Variants in MVB12B observed in about 807,000 individuals in gnomAD.
MVB12B encodes the protein multivesicular body subunit 12B.
In MVB12B, 16 loss-of-function variants were observed where a neutral mutation model predicts 41.6. The ratio of observed to expected loss-of-function variants is 0.38; its 90% CI spans 0.26 to 0.58. MVB12B has a LOEUF of 0.58. Ranked by LOEUF, MVB12B falls within the 20% of genes least tolerant of loss-of-function variation. The probability of loss-of-function intolerance (pLI) is 0.62; values close to 1 mark genes in which losing one functional copy is unlikely to be tolerated. For synonymous variants in MVB12B, 133 were observed against 139.7 expected, an observed-to-expected ratio of 0.95 and a Z score of 0.34; for missense variants, 274 against 380.2, an observed-to-expected ratio of 0.72 and a Z score of 2.32.
chr9:126,424,150 G>A (rs1009157141), intron 7 of MVB12B, among the ~76,000 whole-genome samples: 1 of 152,116 alleles, frequency 6.6e-6, no homozygotes, highest in African/African-American at 2.4e-5. Flanking sequence ...AGATAAGTAG[G>A]TTTCAAAACA....
chr9:126,390,273 T>C (rs1830909542), intron 4 of MVB12B, among the ~76,000 whole-genome samples: 1 of 152,226 alleles, frequency 6.6e-6, no homozygotes, highest in Non-Finnish European at 1.5e-5. Flanking sequence ...GGATCATATG[T>C]GTTGGCACAG....
At chr9:126,400,661 T>C (rs6478736) in intron 6 of MVB12B, among the ~76,000 whole-genome samples, 144,609 of 152,274 alleles carry the variant, frequency 0.95, 68,694 homozygotes, top group East Asian at 1. Context: ...CCTCAAGCCG[T>C]CGTCGATGCT....
At position 126,473,627 on chromosome 9, in the gene MVB12B, T is replaced by A. The variant is rs775036291; in HGVS notation, c.758-7742T>A. On this transcript the variant is annotated intron_variant, in intron 7 of 9. Transcript: ENST00000361171. The surrounding 1 kb of genome is among the most constrained non-coding windows in gnomAD (Gnocchi z 4.0). ...AACAAGAAAGCCAAAGAGCGGAAGG[T>A]GCCACACGCCTTTAAACAACCAGAT... 6.6e-6 allele frequency among the ~76,000 whole-genome samples: 1 copy of A among 151,994 alleles called. No homozygotes were observed. Among genetic ancestry groups the A allele is most frequent in the Non-Finnish European group, 1.5e-5 (1 of 67,992 alleles).
intron 5 of MVB12B, among the ~76,000 whole-genome samples, chr9:126,394,395 CAAAGGCTTT>C: frequency 6.6e-6 from 1 of 152,114 alleles, no homozygotes; most frequent in South Asian, 2.1e-4. Flanking sequence ...TTGATAAAAC[CAAAGGCTTT>C]TTTCCTTTAT....
intron 2 of MVB12B, among the ~76,000 whole-genome samples, chr9:126,354,033 AC>A: frequency 6.6e-6 from 1 of 152,162 alleles, no homozygotes; most frequent in East Asian, 1.9e-4. Flanking sequence ...TCTTTTTATT[AC>A]TTTTCAAAAC....
At position 126,340,744 on chromosome 9, in the gene MVB12B, C is replaced by T; in HGVS notation, c.204+114C>T. The T allele has an allele frequency of 9.1e-6, 12 of 1,312,932 alleles. No individual in the cohort carries two copies. The highest frequency in any genetic ancestry group is 1.3e-5 in the Non-Finnish European group (12 of 949,252). The allele number at this position is 1,312,932 out of a possible 1,614,324, so 81.3% of individuals were successfully genotyped here. A position where few individuals can be genotyped will look rare whatever the true frequency, so the allele number is the denominator to read the frequency against. ...AAGATGTGCTTCTTCCCTCTAGGAACTTAATCCAGGGAGGGCGTGGAGAGC... is the reference window on the plus strand; with the variant it reads ...AAGATGTGCTTCTTCCCTCTAGGAATTTAATCCAGGGAGGGCGTGGAGAGC... On this transcript the variant is annotated intron_variant, in intron 2 of 9. Transcript: ENST00000361171. The surrounding 1 kb of genome is among the most constrained non-coding windows in gnomAD (Gnocchi z 4.0).
At chr9:126,483,952 C>G (rs763283078) in intron 8 of MVB12B, 21 bp from the exon 9 acceptor site, 10 of 1,613,386 alleles carry the variant, frequency 6.2e-6, no homozygotes, top group African/African-American at 1.3e-5. Context: ...TTTAAAAGGG[C>G]AACTTCATCT....
intron 7 of MVB12B, among the ~76,000 whole-genome samples, chr9:126,451,620 G>T (rs1297720386): frequency 6.6e-6 from 1 of 152,020 alleles, no homozygotes; most frequent in East Asian, 1.9e-4. Context: ...GGGACAGGGG[G>T]GCCAAAAAGC....
In MVB12B at chr9:126,391,564, T is replaced by G. The variant is rs1319961351; in HGVS notation, c.410-502T>G. ...ACGTAGTGTCGTCAGGGATTCATTTTAAATATCCAGCAAAACTGCAGGGGT... is the reference window on the plus strand; with the variant it reads ...ACGTAGTGTCGTCAGGGATTCATTTGAAATATCCAGCAAAACTGCAGGGGT... On this transcript the variant is annotated intron_variant, in intron 4 of 9. Coordinates refer to ENST00000361171, the MANE Select transcript of MVB12B (RefSeq NM_033446.3). The surrounding 1 kb of genome is among the most constrained non-coding windows in gnomAD (Gnocchi z 4.4). Among the ~76,000 whole-genome samples the G allele has an allele frequency of 2.0e-5, 3 of 152,232 alleles. No individual in the cohort carries two copies. The highest frequency in any genetic ancestry group is 7.2e-5 in the African/African-American group (3 of 41,462).
Position 126,376,628 on chromosome 9 carries a change from G to A in MVB12B, c.205-4436G>A, listed in dbSNP as rs1232294439. On this transcript the variant is annotated intron_variant, in intron 2 of 9. Transcript: ENST00000361171. This position sits in a 1 kb window ranked among gnomAD's most constrained non-coding sequence, Gnocchi z 4.1. ...GGAGGCGGCTGGAAGCAAGAAGGAG[G>A]GTAAGCGCGGGTGGCAGGGAGGGGC... is the stretch of plus-strand genomic sequence containing the variant. 7.8e-7 allele frequency: 1 copy of A among 1,289,174 alleles called. No individual in the cohort carries two copies. Among genetic ancestry groups the A allele is most frequent in the Non-Finnish European group, 1.0e-6 (1 of 988,788 alleles). The allele number at this position is 1,289,174 out of a possible 1,614,324, so 79.9% of individuals were successfully genotyped here. A position where few individuals can be genotyped will look rare whatever the true frequency, so the allele number is the denominator to read the frequency against.
intron 2 of MVB12B, among the ~76,000 whole-genome samples, chr9:126,361,858 G>A (rs1830038271): frequency 1.3e-5 from 2 of 148,842 alleles, no homozygotes; most frequent in Non-Finnish European, 3.0e-5. Flanking sequence ...AGGCTGCAGT[G>A]AGCTGTGATT....
At chr9:126,357,469 C>T (rs1288749577) in intron 2 of MVB12B, among the ~76,000 whole-genome samples, 1 of 152,166 alleles carries the variant, frequency 6.6e-6, no homozygotes, top group Admixed American at 6.5e-5. Context: ...TCCCAGCAGC[C>T]GAGCATCTGA....
In MVB12B at chr9:126,459,649, A is replaced by T. The variant is rs567665928; in HGVS notation, c.758-21720A>T. 2.6e-5 allele frequency among the ~76,000 whole-genome samples: 4 copies of T among 152,294 alleles called. No individual in the cohort carries two copies. The highest frequency in any genetic ancestry group is 9.6e-5 in the African/African-American group (4 of 41,580). ...CGCACGCAGCCCAGGTGACTGTGGC[A>T]TGCCTGCGGGTTTGAGAGTTTTGGA... On this transcript the variant is annotated intron_variant, in intron 7 of 9. Coordinates refer to ENST00000361171, the MANE Select transcript of MVB12B (RefSeq NM_033446.3). The surrounding 1 kb of genome is among the most constrained non-coding windows in gnomAD (Gnocchi z 4.3).
chr9:126,434,208 A>G (rs1336071647), intron 7 of MVB12B, among the ~76,000 whole-genome samples: 2 of 151,772 alleles, frequency 1.3e-5, no homozygotes, highest in African/African-American at 2.4e-5. Flanking sequence ...CCCTCTTTTT[A>G]TTAATGGCCA....
intron 1 of MVB12B, among the ~76,000 whole-genome samples, chr9:126,337,582 C>G (rs1379246887): frequency 1.3e-5 from 2 of 152,118 alleles, no homozygotes; most frequent in Non-Finnish European, 2.9e-5. Flanking sequence ...CAGACCAGAC[C>G]TAGGGAGGAA....
chr9:126,361,821 G>A (rs1450211341), intron 2 of MVB12B, among the ~76,000 whole-genome samples: 2 of 151,788 alleles, frequency 1.3e-5, no homozygotes, highest in East Asian at 3.9e-4. Context: ...GGTTCAGGTG[G>A]GAGAATCACC....
intron 9 of MVB12B, among the ~76,000 whole-genome samples, chr9:126,497,934 G>A (rs1833871977): frequency 6.6e-6 from 1 of 152,344 alleles, no homozygotes; most frequent in East Asian, 1.9e-4. Flanking sequence ...GAGGGGCCCT[G>A]GAATATGGCT....
Position 126,505,372 on chromosome 9 carries a change from T to A in MVB12B, c.*2109T>A, listed in dbSNP as rs1201170655. 2 of 151,782 alleles carry A rather than the reference T, an allele frequency of 1.3e-5. No individual in the cohort carries two copies. Among genetic ancestry groups the A allele is most frequent in the Non-Finnish European group, 2.9e-5 (2 of 67,930 alleles). 9.4% of individuals were successfully genotyped at this position (151,782 alleles called of 1,614,324 possible). A position where few individuals can be genotyped will look rare whatever the true frequency, so the allele number is the denominator to read the frequency against. The stretch of plus-strand genomic sequence containing the variant: ...GCTGCAGGCCCCTGTCGAGCTGGGG[T>A]CCCAGCCAGGTGCCCCCGCATGCCC... On this transcript the variant is annotated 3_prime_UTR_variant, in exon 10 of 10. Transcript: ENST00000361171.
At chr9:126,497,201 A>G (rs1453950083) in intron 9 of MVB12B, among the ~76,000 whole-genome samples, 1 of 152,102 alleles carries the variant, frequency 6.6e-6, no homozygotes, top group African/African-American at 2.4e-5. Context: ...GGGGGGCCCT[A>G]GAACCACATG....
Sources: allele counts gnomAD v4.1 joint callset (sites outside exome capture counted in the v4.1 genomes callset), GRCh38; gene constraint gnomAD v4.1.1; non-coding constraint Gnocchi (gnomAD v3.1); transcripts MANE v1.5; gene names NCBI Gene and HGNC (gene_info 2026-07-23, HGNC 2026-07-21).